SLC24A2: variants seen among roughly 807,000 people sequenced by gnomAD.
The protein encoded by SLC24A2 is sodium/potassium/calcium exchanger 2.
A neutral mutation model predicts 62.0 loss-of-function variants in SLC24A2; 36 were observed. The ratio of observed to expected loss-of-function variants is 0.58; its 90% CI spans 0.44 to 0.77. The LOEUF is 0.77. SLC24A2 is among the 30% of genes least tolerant of loss of function. SLC24A2 has a pLI of 0.00. For missense variants in SLC24A2, 846 were observed against 817.9 expected (o/e 1.03, Z -0.42); for synonymous variants, 358 against 294.0 (o/e 1.22, Z -2.23).
chr9:20,039,189 T>A, the SLC24A2 span, among the ~76,000 whole-genome samples: 1 of 152,302 alleles, frequency 6.6e-6, no homozygotes, highest in Admixed American at 6.5e-5. Flanking sequence ...AGCCCTGGTG[T>A]GTCTCTTCTG....
At chr9:20,240,685 G>A in the SLC24A2 span, among the ~76,000 whole-genome samples, 3 of 152,076 alleles carry the variant, frequency 2.0e-5, no homozygotes, top group Non-Finnish European at 4.4e-5. Context: ...AAATGACTAT[G>A]AGGTTGGTCA....
chr9:20,107,499 A>G, the SLC24A2 span, among the ~76,000 whole-genome samples: 55 of 152,284 alleles, frequency 3.6e-4, no homozygotes, highest in African/African-American at 1.1e-3. Flanking sequence ...AAACAGAGAT[A>G]TAGATCAATG....
the SLC24A2 span, among the ~76,000 whole-genome samples, chr9:20,191,161 CT>C: frequency 0.53 from 75,748 of 144,274 alleles, 20,882 homozygotes; most frequent in East Asian, 0.85. Flanking sequence ...TTTTCCGGAC[CT>C]TTTTTTTTTT....
chr9:20,173,910 G>T, the SLC24A2 span, among the ~76,000 whole-genome samples: 143 of 152,012 alleles, frequency 9.4e-4, no homozygotes, highest in African/African-American at 3.0e-3. Flanking sequence ...TAAGCAAAAA[G>T]AACAAAACTG....
the SLC24A2 span, among the ~76,000 whole-genome samples, chr9:19,844,963 T>A: frequency 6.6e-6 from 1 of 151,414 alleles, no homozygotes; most frequent in African/African-American, 2.4e-5. Flanking sequence ...CTCTGGCTTT[T>A]TTTTTTTTCC....
At chr9:19,609,547 A>G (rs1466740545) in intron 4 of SLC24A2, among the ~76,000 whole-genome samples, 1 of 152,250 alleles carries the variant, frequency 6.6e-6, no homozygotes, top group Non-Finnish European at 1.5e-5. Flanking sequence ...TGACATCTTT[A>G]TAATAGCATT....
chr9:19,605,611 A>G (rs1283346296), intron 4 of SLC24A2, among the ~76,000 whole-genome samples: 1 of 152,234 alleles, frequency 6.6e-6, no homozygotes, highest in Non-Finnish European at 1.5e-5. Flanking sequence ...GAAAGAAAAT[A>G]TAGAAAAGAT....
chr9:20,269,190 T>C, the SLC24A2 span, among the ~76,000 whole-genome samples: 1 of 152,154 alleles, frequency 6.6e-6, no homozygotes, highest in African/African-American at 2.4e-5. Context: ...TGAAGGAGTC[T>C]AGACACTCAA....
the SLC24A2 span, among the ~76,000 whole-genome samples, chr9:20,024,684 G>C: frequency 6.6e-6 from 1 of 152,282 alleles, no homozygotes; most frequent in Middle Eastern, 3.4e-3. Flanking sequence ...GTGTTCACTT[G>C]TGTGTGCGTG....
chr9:20,045,265 C>A, the SLC24A2 span, among the ~76,000 whole-genome samples: 3 of 152,080 alleles, frequency 2.0e-5, no homozygotes, highest in African/African-American at 4.8e-5. Flanking sequence ...TTAATAAACA[C>A]AGAATTGCAA....
the SLC24A2 span, among the ~76,000 whole-genome samples, chr9:20,122,855 A>G: frequency 6.4e-4 from 97 of 152,196 alleles, no homozygotes; most frequent in African/African-American, 2.3e-3. Flanking sequence ...TTTTTGACCA[A>G]TTTCCATAAA....
At chr9:19,838,784 A>C in the SLC24A2 span, among the ~76,000 whole-genome samples, 3 of 150,948 alleles carry the variant, frequency 2.0e-5, no homozygotes, top group African/African-American at 7.3e-5. Context: ...AAAAAAAAAA[A>C]CCCTAGAAGA....
At chr9:19,803,559 C>T in the SLC24A2 span, among the ~76,000 whole-genome samples, 3 of 151,990 alleles carry the variant, frequency 2.0e-5, no homozygotes, top group Admixed American at 6.6e-5. Flanking sequence ...TAATGGGGCA[C>T]TATTTAAGTA....
the SLC24A2 span, among the ~76,000 whole-genome samples, chr9:20,192,871 A>G: frequency 6.6e-6 from 1 of 152,144 alleles, no homozygotes; most frequent in Non-Finnish European, 1.5e-5. Context: ...CCCTCATTCT[A>G]TCTTCATTTA....
the SLC24A2 span, among the ~76,000 whole-genome samples, chr9:20,103,586 C>T: frequency 6.6e-6 from 1 of 152,188 alleles, no homozygotes; most frequent in African/African-American, 2.4e-5. Context: ...CCCAGGCAAA[C>T]AGGGTCTGGA....
intron 2 of SLC24A2, among the ~76,000 whole-genome samples, chr9:19,654,304 A>T (rs1191129893): frequency 1.3e-5 from 2 of 152,148 alleles, no homozygotes; most frequent in Non-Finnish European, 2.9e-5. Flanking sequence ...CTTTGGCTTC[A>T]GTGTGATCCT....
the SLC24A2 span, among the ~76,000 whole-genome samples, chr9:20,251,458 G>C: frequency 3.3e-5 from 5 of 152,174 alleles, no homozygotes; most frequent in African/African-American, 1.2e-4. Flanking sequence ...TCTAAGTAGG[G>C]AGGCTATGTA....
At chr9:20,182,732 C>A in the SLC24A2 span, among the ~76,000 whole-genome samples, 3 of 151,916 alleles carry the variant, frequency 2.0e-5, no homozygotes, top group Non-Finnish European at 4.4e-5. Flanking sequence ...TGTATACCTA[C>A]GTAACAAACC....
intron 8 of SLC24A2, among the ~76,000 whole-genome samples, chr9:19,529,152 C>T (rs769916672): frequency 1.8e-4 from 28 of 152,130 alleles, no homozygotes; most frequent in Non-Finnish European, 3.4e-4. Flanking sequence ...AAGCTTTCCA[C>T]GTTGAGAAAC....
Sources: allele counts gnomAD v4.1 joint callset (sites outside exome capture counted in the v4.1 genomes callset), GRCh38; gene constraint gnomAD v4.1.1; transcripts MANE v1.5; gene names NCBI Gene and HGNC (gene_info 2026-07-23, HGNC 2026-07-21).